PCDHGB4: variants seen among roughly 807,000 people sequenced by gnomAD.
PCDHGB4 encodes protocadherin gamma-B4.
PCDHGB4 carries 38 observed loss-of-function variants against 60.5 expected under a neutral mutation model. The observed-to-expected ratio is 0.63, with a 90% CI of 0.48 to 0.82. PCDHGB4 has a LOEUF of 0.82. Ranked by LOEUF, PCDHGB4 falls within the 40% of genes least tolerant of loss-of-function variation. The pLI, the probability that PCDHGB4 is intolerant of heterozygous loss-of-function variation, is 0.00. For missense variants in PCDHGB4, 1,109 were observed against 1,209.6 expected, an observed-to-expected ratio of 0.92 and a Z score of 1.23; for synonymous variants, 456 against 509.7, an observed-to-expected ratio of 0.89 and a Z score of 1.42.
chr5:141,393,376 G>C (rs749009041), intron 1 of PCDHGB4: 2 of 1,613,842 alleles, frequency 1.2e-6, no homozygotes, highest in African/African-American at 2.7e-5. Flanking sequence ...GGAGACAATG[G>C]AGCCATAAAC....
Position 141,423,508 on chromosome 5 carries a change from A to T in PCDHGB4, c.2397+33227A>T, listed in dbSNP as rs962526072. ...AACCTATTCCCACGAGGTCTCTCTCATTGCGGACTCGCAGAAGAGTCACCT... is the reference window on the plus strand; with the variant it reads ...AACCTATTCCCACGAGGTCTCTCTCTTTGCGGACTCGCAGAAGAGTCACCT... On this transcript the variant is annotated intron_variant, in intron 1 of 3. Coordinates refer to ENST00000519479, the MANE Select transcript of PCDHGB4 (RefSeq NM_003736.4). The T allele has an allele frequency of 9.9e-6, 16 of 1,613,742 alleles. No homozygotes were observed. The highest frequency in any genetic ancestry group is 1.6e-4 in the Middle Eastern group (1 of 6,084).
chr5:141,466,344 T>G (rs1036472951), intron 1 of PCDHGB4, among the ~76,000 whole-genome samples: 5 of 152,106 alleles, frequency 3.3e-5, no homozygotes, highest in African/African-American at 4.8e-5. Flanking sequence ...ATAATTTTTT[T>G]GCAGCTAATC....
At chr5:141,458,803 G>A (rs2098953701) in intron 1 of PCDHGB4, among the ~76,000 whole-genome samples, 2 of 152,130 alleles carry the variant, frequency 1.3e-5, no homozygotes, top group African/African-American at 4.8e-5. Flanking sequence ...TGTGATCTCA[G>A]CTCACTGCAA....
At position 141,409,359 on chromosome 5, in the gene PCDHGB4, T is replaced by C. The variant is rs371907890; in HGVS notation, c.2397+19078T>C. ...GGAAATGGAGAAGTCAGGTGTAATA[T>C]AGAAACAGACATTCCATTCAAGATT... On this transcript the variant is annotated intron_variant, in intron 1 of 3. Coordinates refer to ENST00000519479, the MANE Select transcript of PCDHGB4 (RefSeq NM_003736.4). 6.8e-6 allele frequency: 11 copies of C among 1,614,026 alleles called. No individual in the cohort carries two copies. The highest frequency in any genetic ancestry group is 8.5e-6 in the Non-Finnish European group (10 of 1,179,908).
chr5:141,399,799 G>A lies in PCDHGB4; in HGVS notation c.2397+9518G>A, dbSNP rs768345936. The A allele has an allele frequency of 8.7e-6, 14 of 1,613,236 alleles. No homozygotes were observed. The South Asian group carries it at 1.5e-4, about 18-fold the overall frequency. On this transcript the variant is annotated intron_variant, in intron 1 of 3. Transcript: ENST00000519479. The stretch of plus-strand genomic sequence containing the variant: ...CGACCGAAACGACAACGCACCGCGG[G>A]TGCTGTACCCCGCGCTGGGTCCCGA...
chr5:141,427,717 A>G (rs1038823851), intron 1 of PCDHGB4: 20 of 1,076,234 alleles, frequency 1.9e-5, no homozygotes, highest in African/African-American at 1.1e-4. Context: ...TCTGACCTGG[A>G]CCTAGGGCTG....
chr5:141,428,121 G>T (rs764584436), intron 1 of PCDHGB4: 1 of 1,605,860 alleles, frequency 6.2e-7, no homozygotes. Context: ...CATCGAGCCC[G>T]GGCTTTTCAG....
intron 1 of PCDHGB4, chr5:141,418,133 C>T (rs758498780): frequency 2.5e-6 from 4 of 1,613,924 alleles, no homozygotes; most frequent in Non-Finnish European, 3.4e-6. Flanking sequence ...CCGAATAGAC[C>T]GTGAGCAAAT....
intron 1 of PCDHGB4, chr5:141,439,807 G>A (rs2098132839): frequency 6.6e-6 from 1 of 152,336 alleles, no homozygotes; most frequent in African/African-American, 2.4e-5. Context: ...AGTTTGAAAA[G>A]GGGCTTATTT....
chr5:141,407,589 C>G (rs1305349867), intron 1 of PCDHGB4, among the ~76,000 whole-genome samples: 1 of 151,660 alleles, frequency 6.6e-6, no homozygotes, highest in Non-Finnish European at 1.5e-5. Context: ...ACCTTAATGT[C>G]TCATCTTAAA....
intron 1 of PCDHGB4, among the ~76,000 whole-genome samples, chr5:141,474,187 T>A (rs2099345004): frequency 6.6e-6 from 1 of 152,210 alleles, no homozygotes; most frequent in South Asian, 2.1e-4. Context: ...ACTACTTACA[T>A]TTTTAAAAGC....
In PCDHGB4 at chr5:141,476,351, G is replaced by A; in HGVS notation, c.2398-18456G>A. The A allele has an allele frequency of 1.2e-6, 2 of 1,614,182 alleles. No individual in the cohort carries two copies. The highest frequency in any genetic ancestry group is 1.7e-6 in the Non-Finnish European group (2 of 1,180,046). ...TGGAGCTAGCCGAAGATTCTTTGAG[G>A]TGAACCGGGAGACCGGAGAGATGTT... On this transcript the variant is annotated intron_variant, in intron 1 of 3. Coordinates refer to ENST00000519479, the MANE Select transcript of PCDHGB4 (RefSeq NM_003736.4). This position sits in a 1 kb window ranked among gnomAD's most constrained non-coding sequence, Gnocchi z 7.6.
At chr5:141,460,034 C>T (rs1463167810) in intron 1 of PCDHGB4, among the ~76,000 whole-genome samples, 1 of 152,116 alleles carries the variant, frequency 6.6e-6, no homozygotes, top group African/African-American at 2.4e-5. Context: ...GCCGAGACTG[C>T]ACCACTGCAC....
At chr5:141,475,988 A>C (rs1197163866) in intron 1 of PCDHGB4, 29 of 1,114,786 alleles carry the variant, frequency 2.6e-5, no homozygotes, top group Non-Finnish European at 3.2e-5. Context: ...GCCGGCGAGC[A>C]AATCAACGGC....
chr5:141,427,998 C>A, intron 1 of PCDHGB4: 1 of 1,600,956 alleles, frequency 6.2e-7, no homozygotes, highest in Non-Finnish European at 8.6e-7. Context: ...TGGCTCCGCA[C>A]TCTTCGATAT....
chr5:141,426,565 T>G, intron 1 of PCDHGB4: 1 of 351,600 alleles, frequency 2.8e-6, no homozygotes, highest in Non-Finnish European at 5.7e-6. Flanking sequence ...AGATCGAGAG[T>G]CACTGTCTTC....
intron 1 of PCDHGB4, chr5:141,417,999 TG>T: frequency 6.2e-7 from 1 of 1,613,838 alleles, no homozygotes; most frequent in Non-Finnish European, 8.5e-7. Context: ...GGCTCGGTGG[TG>T]GGGAACCTCG....
At position 141,408,870 on chromosome 5, in the gene PCDHGB4, G is replaced by C. The variant is rs780987841; in HGVS notation, c.2397+18589G>C. ...TTGGACGGAGGGGACCCACCAAGAAGTGCCACCGCTCACATAGAAATTTCT... is the reference window on the plus strand; with the variant it reads ...TTGGACGGAGGGGACCCACCAAGAACTGCCACCGCTCACATAGAAATTTCT... On this transcript the variant is annotated intron_variant, in intron 1 of 3. Coordinates refer to ENST00000519479, the MANE Select transcript of PCDHGB4 (RefSeq NM_003736.4). The C allele has an allele frequency of 1.2e-6, 2 of 1,613,656 alleles. No homozygotes were observed. Among genetic ancestry groups the C allele is most frequent in the South Asian group, 1.1e-5 (1 of 91,026 alleles).
intron 1 of PCDHGB4, chr5:141,440,405 CCACTG>C (rs2098176019): frequency 6.6e-6 from 1 of 152,126 alleles, no homozygotes; most frequent in South Asian, 2.1e-4. Flanking sequence ...GGCAATCGCA[CCACTG>C]CACTCCAGCC....
Sources: allele counts gnomAD v4.1 joint callset (sites outside exome capture counted in the v4.1 genomes callset), GRCh38; gene constraint gnomAD v4.1.1; non-coding constraint Gnocchi (gnomAD v3.1); transcripts MANE v1.5; gene names NCBI Gene and HGNC (gene_info 2026-07-23, HGNC 2026-07-21).